Variants in SLC24A2 observed in about 807,000 individuals in gnomAD.
The protein encoded by SLC24A2 is sodium/potassium/calcium exchanger 2.
SLC24A2 carries 36 observed loss-of-function variants against 62.0 expected under a neutral mutation model. The ratio of observed to expected loss-of-function variants is 0.58; its 90% confidence interval spans 0.44 to 0.77. The LOEUF is 0.77. Among genes scored for constraint, SLC24A2 ranks in the 30% least tolerant of loss-of-function variants. The probability of loss-of-function intolerance (pLI) is 0.00; values close to 1 mark genes in which losing one functional copy is unlikely to be tolerated. For synonymous variants in SLC24A2, 358 were observed against 294.0 expected (o/e 1.22, Z -2.23); for missense variants, 846 against 817.9 (o/e 1.03, Z -0.42).
the SLC24A2 span, among the ~76,000 whole-genome samples, chr9:19,988,218 G>T: frequency 6.6e-6 from 1 of 152,064 alleles, no homozygotes; most frequent in African/African-American, 2.4e-5. Context: ...TTGCAAATCT[G>T]CCCTTGCAAA....
the SLC24A2 span, among the ~76,000 whole-genome samples, chr9:19,884,712 A>G: frequency 6.6e-6 from 1 of 152,188 alleles, no homozygotes; most frequent in African/African-American, 2.4e-5. Flanking sequence ...GTATCTATAC[A>G]ACCATTGTTT....
the SLC24A2 span, among the ~76,000 whole-genome samples, chr9:19,908,717 A>C: frequency 1.1e-4 from 17 of 152,358 alleles, no homozygotes; most frequent in African/African-American, 3.6e-4. Context: ...TGCAGCCAAA[A>C]AACACATGAA....
chr9:20,076,887 C>T, the SLC24A2 span, among the ~76,000 whole-genome samples: 1 of 141,822 alleles, frequency 7.1e-6, no homozygotes, highest in African/African-American at 2.5e-5. Context: ...ATATACATAT[C>T]ATATGTGTAT....
chr9:20,188,495 T>A, the SLC24A2 span, among the ~76,000 whole-genome samples: 4 of 152,314 alleles, frequency 2.6e-5, no homozygotes, highest in South Asian at 8.3e-4. Context: ...ACATCCACAT[T>A]CTAATTCTCA....
chr9:19,884,521 A>G, the SLC24A2 span, among the ~76,000 whole-genome samples: 1 of 152,236 alleles, frequency 6.6e-6, no homozygotes, highest in South Asian at 2.1e-4. Context: ...TATTAGCCAG[A>G]CACTTAGTTG....
At chr9:20,214,241 G>C in the SLC24A2 span, among the ~76,000 whole-genome samples, 2 of 152,142 alleles carry the variant, frequency 1.3e-5, no homozygotes, top group African/African-American at 4.8e-5. Context: ...TAGGCATAAA[G>C]TTTCAGTCTA....
the SLC24A2 span, among the ~76,000 whole-genome samples, chr9:19,988,186 T>C: frequency 6.6e-6 from 1 of 152,166 alleles, no homozygotes. Flanking sequence ...GGCTCCTCCT[T>C]AGTCTTCCCA....
At chr9:20,003,891 GA>G in the SLC24A2 span, among the ~76,000 whole-genome samples, 6,512 of 115,870 alleles carry the variant, frequency 0.056, 448 homozygotes, top group African/African-American at 0.17. Context: ...GATGTTTAAC[GA>G]AAAAAAAAAA....
chr9:20,253,777 G>A, the SLC24A2 span, among the ~76,000 whole-genome samples: 3 of 152,160 alleles, frequency 2.0e-5, no homozygotes, highest in Admixed American at 2.0e-4. Context: ...ACACTTGGAG[G>A]AGAGAGTGAC....
At chr9:20,273,483 G>T in the SLC24A2 span, among the ~76,000 whole-genome samples, 1 of 152,166 alleles carries the variant, frequency 6.6e-6, no homozygotes, top group African/African-American at 2.4e-5. Flanking sequence ...GGAGATGATT[G>T]AATCATGGAG....
the SLC24A2 span, among the ~76,000 whole-genome samples, chr9:19,932,089 C>T: frequency 5.3e-5 from 8 of 152,006 alleles, no homozygotes; most frequent in African/African-American, 1.5e-4. Flanking sequence ...TAAACATGAG[C>T]GTATTGAAAC....
the SLC24A2 span, among the ~76,000 whole-genome samples, chr9:20,305,405 G>A: frequency 1.8e-4 from 28 of 152,012 alleles, no homozygotes; most frequent in African/African-American, 6.8e-4. Context: ...GCGCCCAGCC[G>A]ATAATACCAT....
At chr9:19,918,637 TC>T in the SLC24A2 span, among the ~76,000 whole-genome samples, 1 of 152,054 alleles carries the variant, frequency 6.6e-6, no homozygotes, top group East Asian at 1.9e-4. Context: ...TGCGTGTGTT[TC>T]CCCAGACTCC....
At chr9:20,152,893 A>G in the SLC24A2 span, among the ~76,000 whole-genome samples, 3 of 151,934 alleles carry the variant, frequency 2.0e-5, no homozygotes, top group Admixed American at 1.3e-4. Flanking sequence ...TTTGTCAAAG[A>G]GTGCCTCAAA....
chr9:20,073,479 A>G, the SLC24A2 span, among the ~76,000 whole-genome samples: 1 of 152,152 alleles, frequency 6.6e-6, no homozygotes, highest in South Asian at 2.1e-4. Flanking sequence ...TTCTATTCAT[A>G]GATCCCACCA....
intron 8 of SLC24A2, among the ~76,000 whole-genome samples, chr9:19,549,178 T>C (rs899509476): frequency 6.6e-6 from 1 of 152,214 alleles, no homozygotes; most frequent in Non-Finnish European, 1.5e-5. Context: ...CATAGTCGAT[T>C]AAAGTAATGA....
chr9:19,716,881 G>A (rs1820876669), intron 2 of SLC24A2, among the ~76,000 whole-genome samples: 1 of 152,258 alleles, frequency 6.6e-6, no homozygotes, highest in South Asian at 2.1e-4. Flanking sequence ...TATAATCTCT[G>A]AGTTTCCAGG....
At chr9:19,818,236 C>A in the SLC24A2 span, among the ~76,000 whole-genome samples, 1 of 152,112 alleles carries the variant, frequency 6.6e-6, no homozygotes, top group Non-Finnish European at 1.5e-5. Context: ...AAGTCTCTAA[C>A]TCCTACCTGC....
At chr9:19,777,052 A>C (rs1221341186) in intron 2 of SLC24A2, among the ~76,000 whole-genome samples, 1 of 152,206 alleles carries the variant, frequency 6.6e-6, no homozygotes, top group Non-Finnish European at 1.5e-5. Context: ...AAACAAAAAC[A>C]AAAACAAAAC....
Sources: allele counts gnomAD v4.1 joint callset (sites outside exome capture counted in the v4.1 genomes callset), GRCh38; gene constraint gnomAD v4.1.1; transcripts MANE v1.5; gene names NCBI Gene and HGNC (gene_info 2026-07-23, HGNC 2026-07-21).